Variants in NNT observed in about 807,000 individuals in gnomAD.
The protein encoded by NNT is nicotinamide nucleotide transhydrogenase.
A neutral mutation model predicts 104.8 loss-of-function variants in NNT; 50 were observed. The observed-to-expected ratio is 0.48, with a 90% CI of 0.38 to 0.60. The LOEUF is 0.60. Among genes scored for constraint, NNT ranks in the 20% least tolerant of loss-of-function variants. The pLI is 0.00. For synonymous variants in NNT, 461 were observed against 490.4 expected, an observed-to-expected ratio of 0.94 and a Z score of 0.79; for missense variants, 1,131 against 1,330.7, an observed-to-expected ratio of 0.85 and a Z score of 2.33.
intron 5 of NNT, among the ~76,000 whole-genome samples, chr5:43,621,615 G>T (rs1475020447): frequency 6.6e-6 from 1 of 151,804 alleles, no homozygotes; most frequent in African/African-American, 2.4e-5. Flanking sequence ...TTTCACTCCA[G>T]GCTGATCTGG....
intron 7 of NNT, among the ~76,000 whole-genome samples, chr5:43,641,028 C>A (rs545021648): frequency 6.6e-6 from 1 of 151,658 alleles, no homozygotes; most frequent in Admixed American, 6.6e-5. Context: ...ACAATTAATT[C>A]TTATCTTTCT....
At chr5:43,622,984 G>A (rs1424469584) in intron 5 of NNT, among the ~76,000 whole-genome samples, 1 of 151,034 alleles carries the variant, frequency 6.6e-6, no homozygotes, top group Non-Finnish European at 1.5e-5. Context: ...TGGTGATGGA[G>A]CTTCTGTGTG....
At chr5:43,668,436 C>T (rs1740842753) in intron 17 of NNT, among the ~76,000 whole-genome samples, 1 of 152,008 alleles carries the variant, frequency 6.6e-6, no homozygotes, top group South Asian at 2.1e-4. Flanking sequence ...GTCTTTAATC[C>T]ATCTTGAGTT....
intron 7 of NNT, 142 bp from the exon 8 acceptor site, chr5:43,644,050 C>G: frequency 1.4e-6 from 1 of 718,510 alleles, no homozygotes; most frequent in East Asian, 2.8e-5. Flanking sequence ...CTCACCCATG[C>G]TATGGTCTTT....
At chr5:43,649,069 A>G in intron 10 of NNT, 78 bp from the exon 11 acceptor site, 3 of 1,473,070 alleles carry the variant, frequency 2.0e-6, no homozygotes, top group South Asian at 2.5e-5. Context: ...GCTATTCCAC[A>G]TATTTATGTA....
chr5:43,623,423 G>C (rs1750199962), intron 5 of NNT, among the ~76,000 whole-genome samples: 2 of 152,158 alleles, frequency 1.3e-5, no homozygotes, highest in Non-Finnish European at 1.5e-5. Flanking sequence ...TGGTTCTCTT[G>C]TTGCTGATCC....
At chr5:43,625,764 T>C (rs1482350762) in intron 6 of NNT, among the ~76,000 whole-genome samples, 1 of 152,116 alleles carries the variant, frequency 6.6e-6, no homozygotes, top group Non-Finnish European at 1.5e-5. Flanking sequence ...CCTTGCTTTC[T>C]TTCCTATCAT....
At chr5:43,694,381 G>A (rs1397417567) in intron 19 of NNT, among the ~76,000 whole-genome samples, 1 of 152,208 alleles carries the variant, frequency 6.6e-6, no homozygotes, top group East Asian at 1.9e-4. Flanking sequence ...AATGCTTCCT[G>A]CTTCTGCACA....
chr5:43,663,882 A>G (rs1334801188), intron 17 of NNT, among the ~76,000 whole-genome samples: 1 of 152,190 alleles, frequency 6.6e-6, no homozygotes. Context: ...ACATTAGAGA[A>G]ATATTTTATT....
At chr5:43,666,813 TG>T in intron 17 of NNT, 1 of 1,350,226 alleles carries the variant, frequency 7.4e-7, no homozygotes, top group South Asian at 1.2e-5. Context: ...GAGCCTGAGC[TG>T]GAACTGAAGC....
At chr5:43,689,656 C>A (rs1383540852) in intron 19 of NNT, among the ~76,000 whole-genome samples, 1 of 152,074 alleles carries the variant, frequency 6.6e-6, no homozygotes, top group African/African-American at 2.4e-5. Context: ...GGTGTCCTTT[C>A]CAGACAAAAT....
At position 43,695,090 on chromosome 5, in the gene NNT, G is replaced by A. The variant is rs1742489980; in HGVS notation, c.2877-5029G>A. 3.3e-5 allele frequency among the ~76,000 whole-genome samples: 5 copies of A among 152,190 alleles called. No homozygotes were observed. The South Asian group carries it at 1.0e-3, about 32-fold the overall frequency. ...GGTTTTCTAGTTTGTGTGTATAGAG[G>A]TATTTGATAAAAAAGAATATCTGTC... On this transcript the variant is annotated intron_variant, in intron 19 of 21. Transcript: ENST00000344920.
At chr5:43,645,265 A>C in intron 9 of NNT, 92 bp from the exon 10 acceptor site, 1 of 647,624 alleles carries the variant, frequency 1.5e-6, no homozygotes, top group Non-Finnish European at 2.3e-6. Flanking sequence ...TATATTTAAA[A>C]GAACAGGGTT....
intron 19 of NNT, among the ~76,000 whole-genome samples, chr5:43,687,946 A>C (rs1742067888): frequency 6.6e-6 from 1 of 152,184 alleles, no homozygotes; most frequent in Non-Finnish European, 1.5e-5. Flanking sequence ...AAAACAAATA[A>C]AATTAAACAA....
At chr5:43,619,630 T>A (rs1057395074) in intron 5 of NNT, among the ~76,000 whole-genome samples, 3 of 152,190 alleles carry the variant, frequency 2.0e-5, no homozygotes, top group African/African-American at 7.2e-5. Flanking sequence ...CAGTTAACGA[T>A]GAGAGGTGAC....
chr5:43,663,085 A>G (rs552337732), intron 17 of NNT, among the ~76,000 whole-genome samples: 1 of 152,150 alleles, frequency 6.6e-6, no homozygotes, highest in South Asian at 2.1e-4. Context: ...TCTAACCTTA[A>G]TTTTAATTAA....
intron 17 of NNT, among the ~76,000 whole-genome samples, chr5:43,668,521 A>G (rs1740848910): frequency 6.6e-6 from 1 of 152,206 alleles, no homozygotes; most frequent in South Asian, 2.1e-4. Context: ...TCCCAGCACC[A>G]TTTATTAAAT....
chr5:43,690,484 G>C (rs533680296), intron 19 of NNT, among the ~76,000 whole-genome samples: 1 of 152,260 alleles, frequency 6.6e-6, no homozygotes, highest in African/African-American at 2.4e-5. Flanking sequence ...TGGTGATCTG[G>C]ATTGAGAAAT....
intron 7 of NNT, among the ~76,000 whole-genome samples, 185 bp from the exon 8 acceptor site, chr5:43,644,007 C>T (rs1033899081): frequency 6.6e-6 from 1 of 152,228 alleles, no homozygotes; most frequent in Non-Finnish European, 1.5e-5. Context: ...CTTTGCTGCT[C>T]ACACTCATCA....
Sources: allele counts gnomAD v4.1 joint callset (sites outside exome capture counted in the v4.1 genomes callset), GRCh38; gene constraint gnomAD v4.1.1; transcripts MANE v1.5; gene names NCBI Gene and HGNC (gene_info 2026-07-23, HGNC 2026-07-21).